The following DAP variants were observed in gnomAD, a reference collection of about 807,000 sequenced individuals.
The protein encoded by DAP is death associated protein.
A neutral mutation model predicts 13.8 loss-of-function variants in DAP; 8 were observed. That is an observed-to-expected ratio of 0.58 (90% CI 0.34 to 1.05). The LOEUF (loss-of-function observed/expected upper bound fraction) is 1.05, where lower values mean the gene tolerates loss of function less well. Ranked by LOEUF, DAP falls within the 50% of genes least tolerant of loss-of-function variation. The pLI, the probability that DAP is intolerant of heterozygous loss-of-function variation, is 0.03. For synonymous variants in DAP, 47 were observed against 47.5 expected, an observed-to-expected ratio of 0.99 and a Z score of 0.04; for missense variants, 106 against 133.2, an observed-to-expected ratio of 0.80 and a Z score of 1.01.
At chr5:10,730,609 GT>G (rs1256093582) in intron 2 of DAP, among the ~76,000 whole-genome samples, 72 of 140,444 alleles carry the variant, frequency 5.1e-4, no homozygotes, top group African/African-American at 6.5e-4. Flanking sequence ...GAGAGCCCGG[GT>G]CGGGGGGAAT....
At chr5:10,683,278 T>G (rs1579781335) in intron 3 of DAP, 5 of 548,642 alleles carry the variant, frequency 9.1e-6, no homozygotes, top group South Asian at 4.3e-5. Flanking sequence ...TGGTGGGAGG[T>G]CTGCGCTTAA....
intron 2 of DAP, among the ~76,000 whole-genome samples, chr5:10,692,971 C>G (rs910303515): frequency 9.9e-5 from 15 of 152,176 alleles, no homozygotes; most frequent in African/African-American, 3.6e-4. Context: ...AATGCAGTGC[C>G]CTTCTTCACC....
At chr5:10,750,213 C>T (rs1041416326) in intron 1 of DAP, among the ~76,000 whole-genome samples, 3 of 152,086 alleles carry the variant, frequency 2.0e-5, no homozygotes, top group Non-Finnish European at 2.9e-5. Context: ...TGCCGAGTCA[C>T]GAAAACCCAG....
chr5:10,706,518 T>C (rs1207050847), intron 2 of DAP, among the ~76,000 whole-genome samples: 1 of 152,236 alleles, frequency 6.6e-6, no homozygotes, highest in African/African-American at 2.4e-5. Flanking sequence ...AATGCATTAA[T>C]GCCTTATATG....
intron 2 of DAP, among the ~76,000 whole-genome samples, chr5:10,746,351 C>T (rs536850618): frequency 7.7e-4 from 101 of 130,724 alleles, no homozygotes; most frequent in African/African-American, 2.1e-3. Flanking sequence ...TTTTTTGAGA[C>T]AAGAGTTTTG....
At chr5:10,700,816 G>C (rs1407243619) in intron 2 of DAP, among the ~76,000 whole-genome samples, 3 of 152,226 alleles carry the variant, frequency 2.0e-5, no homozygotes, top group African/African-American at 7.2e-5. Context: ...AACTAACCCA[G>C]GGCCCTTGTT....
At chr5:10,704,882 G>C (rs1315023054) in intron 2 of DAP, among the ~76,000 whole-genome samples, 1 of 152,126 alleles carries the variant, frequency 6.6e-6, no homozygotes, top group East Asian at 1.9e-4. Context: ...CTGTGGTCGA[G>C]GGAATGGGAG....
intron 1 of DAP, among the ~76,000 whole-genome samples, chr5:10,756,792 C>G (rs932143776): frequency 6.6e-6 from 1 of 152,204 alleles, no homozygotes; most frequent in African/African-American, 2.4e-5. Flanking sequence ...TGAGTAATAG[C>G]GAGGCTTATA....
intron 1 of DAP, among the ~76,000 whole-genome samples, chr5:10,750,006 G>C (rs1467425117): frequency 6.6e-6 from 1 of 152,112 alleles, no homozygotes; most frequent in Non-Finnish European, 1.5e-5. Context: ...TAAGAAGAGA[G>C]AGGCGTTCGG....
intron 2 of DAP, among the ~76,000 whole-genome samples, chr5:10,716,276 C>T (rs1268848523): frequency 1.3e-5 from 2 of 152,206 alleles, no homozygotes; most frequent in African/African-American, 4.8e-5. Context: ...TTTCAATGAA[C>T]TTTTCAGGAA....
At chr5:10,685,807 A>G (rs1342184244) in intron 2 of DAP, among the ~76,000 whole-genome samples, 1 of 152,212 alleles carries the variant, frequency 6.6e-6, no homozygotes, top group Non-Finnish European at 1.5e-5. Flanking sequence ...TAGAGAGTCA[A>G]TCTAGTAAGA....
intron 2 of DAP, among the ~76,000 whole-genome samples, chr5:10,739,052 A>G (rs1227790462): frequency 6.6e-6 from 1 of 151,992 alleles, no homozygotes; most frequent in Non-Finnish European, 1.5e-5. Context: ...AATACAAAAA[A>G]TTAGCCGAAC....
chr5:10,712,168 G>A (rs929733104), intron 2 of DAP, among the ~76,000 whole-genome samples: 2 of 152,154 alleles, frequency 1.3e-5, no homozygotes, highest in East Asian at 3.9e-4. Flanking sequence ...GACTGTTTGA[G>A]GACACAGGGA....
chr5:10,759,113 G>C (rs1430023790), intron 1 of DAP, among the ~76,000 whole-genome samples: 2 of 150,008 alleles, frequency 1.3e-5, no homozygotes, highest in Non-Finnish European at 1.5e-5. Flanking sequence ...CTTGAACCTA[G>C]AAGGCGGAGG....
At chr5:10,739,244 G>A (rs1397790019) in intron 2 of DAP, among the ~76,000 whole-genome samples, 1 of 147,898 alleles carries the variant, frequency 6.8e-6, no homozygotes, top group Non-Finnish European at 1.5e-5. Flanking sequence ...AGAAATGGGA[G>A]GAGCAGCAAG....
chr5:10,745,077 A>C (rs749054243), intron 2 of DAP, among the ~76,000 whole-genome samples: 6 of 152,256 alleles, frequency 3.9e-5, no homozygotes, highest in Non-Finnish European at 7.3e-5. Context: ...AGCCGAGCTC[A>C]TTGCACTCTG....
At chr5:10,711,508 C>T (rs1205547533) in intron 2 of DAP, among the ~76,000 whole-genome samples, 2 of 152,238 alleles carry the variant, frequency 1.3e-5, no homozygotes, top group Non-Finnish European at 2.9e-5. Flanking sequence ...CACACGTGCA[C>T]CTACCTCCAG....
intron 2 of DAP, among the ~76,000 whole-genome samples, chr5:10,741,016 T>A (rs1252648169): frequency 6.6e-6 from 1 of 152,228 alleles, no homozygotes; most frequent in Non-Finnish European, 1.5e-5. Context: ...TGTTCACATG[T>A]CTTCACAAGT....
intron 2 of DAP, among the ~76,000 whole-genome samples, chr5:10,691,913 C>T (rs1333958357): frequency 2.0e-5 from 3 of 152,138 alleles, no homozygotes; most frequent in African/African-American, 7.2e-5. Flanking sequence ...TTAAAAGGAC[C>T]CTTTGTCCTT....
Sources: allele counts gnomAD v4.1 joint callset (sites outside exome capture counted in the v4.1 genomes callset), GRCh38; gene constraint gnomAD v4.1.1; transcripts MANE v1.5; gene names NCBI Gene and HGNC (gene_info 2026-07-23, HGNC 2026-07-21).